The following VPS35L variants were observed in gnomAD, a reference collection of about 807,000 sequenced individuals.
VPS35L encodes VPS35 endosomal protein sorting factor like, also known as VPS35 endosomal protein-sorting factor-like.
VPS35L carries 83 observed loss-of-function variants against 133.0 expected under a neutral mutation model. That is an observed-to-expected ratio of 0.62 (90% CI 0.52 to 0.75). The LOEUF is 0.75. Among genes scored for constraint, VPS35L ranks in the 30% least tolerant of loss-of-function variants. The probability of loss-of-function intolerance (pLI) is 0.00; values close to 1 mark genes in which losing one functional copy is unlikely to be tolerated. For missense variants in VPS35L, 1,083 were observed against 1,206.8 expected (o/e 0.90, Z 1.52); for synonymous variants, 423 against 449.9 (o/e 0.94, Z 0.76).
chr16:19,693,949 CAAAAAAAAAGAAAAAAAAA>C (rs1211282005), intron 29 of VPS35L: 4 of 74,856 alleles, frequency 5.3e-5, no homozygotes, highest in African/African-American at 1.1e-4. Context: ...ACCCTGTCTC[CAAAAAAAAAGAAAAAAAAA>C]AAAAAAAAGA....
At chr16:19,562,575 T>C (rs1216363987) in intron 1 of VPS35L, among the ~76,000 whole-genome samples, 3 of 152,312 alleles carry the variant, frequency 2.0e-5, no homozygotes, top group Admixed American at 2.0e-4. Context: ...CTTTTAAAAT[T>C]ATATGTGGAT....
Position 19,564,839 on chromosome 16 carries a change from G to A in VPS35L, c.18-12G>A, listed in dbSNP as rs58497407. On this transcript the variant is annotated splice_polypyrimidine_tract_variant and intron_variant, in intron 1 of 30. Transcript: ENST00000417362. ...CCCATCCACTAATTGGCTGTGTTTC[G>A]CTGTTTACCAGGCACTCCAGGAATA... 1,832 of 1,603,288 alleles carry A rather than the reference G, an allele frequency of 1.1e-3. 24 individuals carry two copies. In the African/African-American group the frequency reaches 0.021, roughly 18 times the overall value.
Position 19,633,266 on chromosome 16 carries a change from A to G in VPS35L, c.1635+94A>G, listed in dbSNP as rs1973515598. ...TGTATGGGTCAGGCTATAAAGGCAC[A>G]TAATCCTGTGTTTGAATCATAGCTC... is the stretch of plus-strand genomic sequence containing the variant. On this transcript the variant is annotated intron_variant, in intron 19 of 30. Coordinates refer to ENST00000417362, the MANE Select transcript of VPS35L (RefSeq NM_020314.7). This position sits in a 1 kb window ranked among gnomAD's most constrained non-coding sequence, Gnocchi z 4.1. The G allele has an allele frequency of 8.0e-6, 9 of 1,123,152 alleles. No individual in the cohort carries two copies. The highest frequency in any genetic ancestry group is 2.0e-4 in the Middle Eastern group (1 of 5,106). 69.6% of individuals were successfully genotyped at this position (1,123,152 alleles called of 1,614,324 possible). A position where few individuals can be genotyped will look rare whatever the true frequency, so the allele number is the denominator to read the frequency against.
intron 6 of VPS35L, among the ~76,000 whole-genome samples, chr16:19,580,553 C>T (rs1302773760): frequency 6.6e-6 from 1 of 152,060 alleles, no homozygotes; most frequent in Admixed American, 6.6e-5. Flanking sequence ...AACAATAGCC[C>T]AGGGTTAAGG....
At chr16:19,565,095 C>T in intron 2 of VPS35L, 145 bp downstream of exon 2, 1 of 574,986 alleles carries the variant, frequency 1.7e-6, no homozygotes, top group Non-Finnish European at 3.0e-6. Context: ...GCTCTGTCGC[C>T]CAGGCTGGAG....
chr16:19,578,979 T>C, intron 5 of VPS35L, 73 bp from the exon 6 acceptor site: 1 of 1,208,172 alleles, frequency 8.3e-7, no homozygotes, highest in East Asian at 2.4e-5. Flanking sequence ...AAGTGTAGAG[T>C]GAAAGATGCC....
chr16:19,614,402 G>A (rs1345055801), intron 12 of VPS35L, among the ~76,000 whole-genome samples: 1 of 152,130 alleles, frequency 6.6e-6, no homozygotes, highest in African/African-American at 2.4e-5. Context: ...AGGTGAATGG[G>A]AGAAATCTCT....
Position 19,633,023 on chromosome 16 carries a change from C to A in VPS35L, c.1555-69C>A. 8.3e-7 allele frequency: 1 copy of A among 1,201,036 alleles called. No homozygotes were observed. The highest frequency in any genetic ancestry group is 1.2e-6 in the Non-Finnish European group (1 of 806,106). 74.4% of individuals were successfully genotyped at this position (1,201,036 alleles called of 1,614,324 possible). ...TATATTCTGAATACGTTAGTCCTTT[C>A]CCCCAGGAACATGGTCAGCAGTTGC... On this transcript the variant is annotated intron_variant, in intron 18 of 30. Coordinates refer to ENST00000417362, the MANE Select transcript of VPS35L (RefSeq NM_020314.7). The surrounding 1 kb of genome is among the most constrained non-coding windows in gnomAD (Gnocchi z 4.1).
intron 11 of VPS35L, among the ~76,000 whole-genome samples, chr16:19,609,411 C>T (rs1972637611): frequency 6.6e-6 from 1 of 152,170 alleles, no homozygotes; most frequent in Non-Finnish European, 1.5e-5. Context: ...TTGGGTCACA[C>T]ATGCAACAAT....
chr16:19,604,858 A>C (rs1310560581), intron 9 of VPS35L, among the ~76,000 whole-genome samples: 1 of 152,228 alleles, frequency 6.6e-6, no homozygotes, highest in Non-Finnish European at 1.5e-5. Context: ...GTTCATGAAA[A>C]TCACACACTA....
intron 27 of VPS35L, among the ~76,000 whole-genome samples, chr16:19,681,195 A>C (rs530279156): frequency 6.6e-6 from 1 of 152,128 alleles, no homozygotes; most frequent in Admixed American, 6.5e-5. Flanking sequence ...TGCCTCACCT[A>C]TCCTTCCTCT....
rs571918022 is a variant in VPS35L at position 19,639,752 on chromosome 16, C to G, written c.1699-263C>G. Reference sequence around the variant, plus strand: ...CCATGTTGGCCAGGCTGGTCTTGAACTCCTGGCCTCAAGTGATCCACCCGC... The same window carrying G: ...CCATGTTGGCCAGGCTGGTCTTGAAGTCCTGGCCTCAAGTGATCCACCCGC... On this transcript the variant is annotated intron_variant, in intron 20 of 30. Transcript: ENST00000417362. This position sits in a 1 kb window ranked among gnomAD's most constrained non-coding sequence, Gnocchi z 4.1. Among the ~76,000 whole-genome samples, 4 of 152,254 alleles carry G rather than the reference C, an allele frequency of 2.6e-5. No individual in the cohort carries two copies. The East Asian group carries it at 7.7e-4, about 29-fold the overall frequency.
rs200209817 is a variant in VPS35L, at chr16:19,628,656, T to A, written c.1403T>A (p.Leu468Gln). 5 of 1,587,418 alleles carry A rather than the reference T, an allele frequency of 3.1e-6. No homozygotes were observed. The highest frequency in any genetic ancestry group is 2.6e-6 in the Non-Finnish European group (3 of 1,161,902). ...GFPKHLLFRS[L>Q]GLNLALADPP... ...TCTTAGCATCTTCTTTTTCGATCACTGGGATTAAACTTGGCCTTGGCTGAT... is the reference window on the plus strand; with the variant it reads ...TCTTAGCATCTTCTTTTTCGATCACAGGGATTAAACTTGGCCTTGGCTGAT... The change falls in exon 17 of 31, where the codon CTG becomes CAG. Residue 468 changes from leucine (L) to glutamine (Q), a missense_variant. Transcript: ENST00000417362.
intron 16 of VPS35L, 80 bp downstream of exon 16, chr16:19,627,885 G>C: frequency 2.6e-6 from 3 of 1,161,216 alleles, no homozygotes; most frequent in Non-Finnish European, 3.9e-6. Flanking sequence ...GTCCGGTTTT[G>C]GGAACAGCAT....
In VPS35L at chr16:19,668,591, A is replaced by AGTGTGTGTGT. The variant is rs35546511; in HGVS notation, c.2222-549_2222-540dup. Reference sequence around the variant, plus strand: ...ATGTTAATCAGAAGCCTTTAAGCTGAGTGTGTGTGTGTGTGTGTGTGTGTG... The same window carrying AGTGTGTGTGT: ...ATGTTAATCAGAAGCCTTTAAGCTGAGTGTGTGTGTGTGTGTGTGTGTGTGTGTGTGTGTG... On this transcript the variant is annotated intron_variant, in intron 26 of 30. Transcript: ENST00000417362. Among the ~76,000 whole-genome samples, 877 of 147,482 alleles carry AGTGTGTGTGT rather than the reference A, an allele frequency of 5.9e-3. 12 individuals carry two copies. The highest frequency in any genetic ancestry group is 0.017 in the African/African-American group (682 of 40,166).
At position 19,699,337 on chromosome 16, in the gene VPS35L, C is replaced by A; in HGVS notation, c.2647-165C>A. The A allele has an allele frequency of 1.3e-6, 1 of 776,956 alleles. No individual in the cohort carries two copies. The highest frequency in any genetic ancestry group is 2.0e-6 in the Non-Finnish European group (1 of 495,720). 48.1% of individuals were successfully genotyped at this position (776,956 alleles called of 1,614,324 possible). On this transcript the variant is annotated intron_variant, in intron 29 of 30. Transcript: ENST00000417362. This position sits in a 1 kb window ranked among gnomAD's most constrained non-coding sequence, Gnocchi z 4.2. ...TTACTGTCACTTACAGATGAAGCAG[C>A]TGGGACTTTGGGAGGTTCAGCAGCT...
In VPS35L at chr16:19,573,148, T is replaced by C. The variant is rs1230087304; in HGVS notation, c.315T>C (p.Asp105=). 3 of 1,613,922 alleles carry C rather than the reference T, an allele frequency of 1.9e-6. No homozygotes were observed. Among genetic ancestry groups the C allele is most frequent in the South Asian group, 1.1e-5 (1 of 91,080 alleles). Residue 105 remains aspartate, a synonymous_variant, in exon 4 of 31, where the codon GAT becomes GAC. Transcript: ENST00000417362. ...MDSSRRKRDR[D]DNSVVGSDFE... is the part of the protein sequence containing the mutation. ...GCTCCAGAAGGAAACGTGATAGAGA[T>C]GATAACTCCGTTGTAGGATCGGATT...
chr16:19,640,184 G>A, intron 21 of VPS35L, 84 bp downstream of exon 21: 1 of 1,236,934 alleles, frequency 8.1e-7, no homozygotes, highest in Non-Finnish European at 1.2e-6. Context: ...CTTGCACTTT[G>A]AGGCCGAGTG....
intron 5 of VPS35L, among the ~76,000 whole-genome samples, chr16:19,575,642 C>T (rs892688469): frequency 1.9e-4 from 28 of 149,022 alleles, no homozygotes; most frequent in African/African-American, 2.7e-4. Context: ...ACAGGCAGAT[C>T]GCCTGAGGTC....
Sources: allele counts gnomAD v4.1 joint callset (sites outside exome capture counted in the v4.1 genomes callset), GRCh38; gene constraint gnomAD v4.1.1; non-coding constraint Gnocchi (gnomAD v3.1); transcripts MANE v1.5; gene names NCBI Gene and HGNC (gene_info 2026-07-23, HGNC 2026-07-21).